Variants in ARFGEF1 observed in about 807,000 individuals in gnomAD.
ARFGEF1 encodes the protein brefeldin A-inhibited guanine nucleotide-exchange protein 1.
Under a neutral mutation model 231.0 loss-of-function variants are expected in ARFGEF1, and 42 were observed. That is an observed-to-expected ratio of 0.18 (90% CI 0.14 to 0.24). ARFGEF1 has a LOEUF of 0.24. ARFGEF1 is among the 10% of genes least tolerant of loss of function. ARFGEF1 has a pLI of 1.00. For synonymous variants in ARFGEF1, 710 were observed against 732.3 expected, an observed-to-expected ratio of 0.97 and a Z score of 0.49; for missense variants, 1,345 against 2,192.0, an observed-to-expected ratio of 0.61 and a Z score of 7.72.
At chr8:67,180,369 A>G (rs1250385343) in intron 5 of ARFGEF1, among the ~76,000 whole-genome samples, 2 of 152,238 alleles carry the variant, frequency 1.3e-5, no homozygotes, top group South Asian at 2.1e-4. Context: ...TTCAATTTAC[A>G]TAACATTTTT....
chr8:67,197,145 A>AAAT (rs1013042365), downstream of ARFGEF1, among the ~76,000 whole-genome samples: 20 of 152,176 alleles, frequency 1.3e-4, no homozygotes, highest in African/African-American at 4.8e-4. Context: ...AATATGCAAA[A>AAAT]AATATTAAAA....
chr8:67,273,069 T>C (rs1273445700), intron 9 of ARFGEF1, among the ~76,000 whole-genome samples: 2 of 151,920 alleles, frequency 1.3e-5, no homozygotes, highest in African/African-American at 4.8e-5. Flanking sequence ...ATTGCACCAC[T>C]GCACTCCAGC....
At chr8:67,195,545 A>G (rs781562670), downstream of ARFGEF1, 1 of 1,614,206 alleles carries the variant, frequency 6.2e-7, no homozygotes, top group Non-Finnish European at 8.5e-7. Context: ...AGATTCCTGG[A>G]AAACCAGGCA....
At chr8:67,300,557 G>A (rs555993269) in intron 3 of ARFGEF1, among the ~76,000 whole-genome samples, 3 of 149,588 alleles carry the variant, frequency 2.0e-5, no homozygotes, top group Admixed American at 6.8e-5. Flanking sequence ...AGTGGCTCAC[G>A]CCTGTAATCC....
intron 23 of ARFGEF1, among the ~76,000 whole-genome samples, chr8:67,228,729 C>A (rs1188671971): frequency 2.0e-5 from 3 of 151,978 alleles, no homozygotes; most frequent in Admixed American, 1.3e-4. Context: ...CTTAATATAA[C>A]CTTGCAAATA....
intron 5 of ARFGEF1, among the ~76,000 whole-genome samples, chr8:67,191,539 ATTAT>A (rs998266348): frequency 3.3e-5 from 5 of 152,284 alleles, no homozygotes; most frequent in African/African-American, 9.6e-5. Context: ...ACACTGTATG[ATTAT>A]TTGTGACTGG....
chr8:67,208,629 C>CAAAAAAAAAA (rs1226322166), intron 34 of ARFGEF1, among the ~76,000 whole-genome samples: 1 of 50,538 alleles, frequency 2.0e-5, no homozygotes, highest in African/African-American at 6.0e-5. Context: ...GACTCCATCT[C>CAAAAAAAAAA]AAAAAAAAAA....
intron 1 of ARFGEF1, among the ~76,000 whole-genome samples, chr8:67,309,345 A>G: frequency 6.6e-6 from 1 of 152,250 alleles, no homozygotes; most frequent in Non-Finnish European, 1.5e-5. Flanking sequence ...GTGATCTGTT[A>G]CATAGAACAG....
Position 67,279,645 on chromosome 8 carries a change from T to C in ARFGEF1, c.1028-2188A>G, listed in dbSNP as rs543883177. Among the ~76,000 whole-genome samples, 5 of 152,340 alleles carry C rather than the reference T, an allele frequency of 3.3e-5. No homozygotes were observed. In the South Asian group the frequency reaches 1.0e-3, roughly 32 times the overall value. ...TCTCAAAGAAACTGAAAACATTTCC[T>C]GATTTTCTTTTTAGACTTTGAAGCC... On this transcript the variant is annotated intron_variant, in intron 7 of 38. Coordinates refer to ENST00000262215, the MANE Select transcript of ARFGEF1 (RefSeq NM_006421.5).
At chr8:67,211,409 A>G in intron 34 of ARFGEF1, 74 bp downstream of exon 34, 1 of 1,208,486 alleles carries the variant, frequency 8.3e-7, no homozygotes, top group South Asian at 1.9e-5. Context: ...TGTTAATAAT[A>G]AAAGTAAAAC....
chr8:67,246,628 T>C (rs963615493), intron 19 of ARFGEF1, among the ~76,000 whole-genome samples: 8 of 150,246 alleles, frequency 5.3e-5, no homozygotes, highest in Middle Eastern at 6.8e-3. Flanking sequence ...GCAAATTTTA[T>C]AGCTGTTAGT....
chr8:67,311,854 G>A (rs1807084515), intron 1 of ARFGEF1, among the ~76,000 whole-genome samples: 1 of 152,248 alleles, frequency 6.6e-6, no homozygotes, highest in Admixed American at 6.5e-5. Context: ...TGTGTAGAAA[G>A]TAGTAGACAT....
intron 35 of ARFGEF1, among the ~76,000 whole-genome samples, 172 bp from the exon 36 acceptor site, chr8:67,203,423 C>T (rs1287808840): frequency 3.3e-5 from 5 of 152,220 alleles, no homozygotes; most frequent in African/African-American, 1.2e-4. Flanking sequence ...TCCTCGTCCC[C>T]AAGCACCACC....
At chr8:67,194,951 A>AAGAGT (rs1586984453), downstream of ARFGEF1, among the ~76,000 whole-genome samples, 1 of 152,162 alleles carries the variant, frequency 6.6e-6, no homozygotes, top group Non-Finnish European at 1.5e-5. Flanking sequence ...TTGTAGGTTG[A>AAGAGT]AGAGTATTCC....
chr8:67,178,613 G>T (rs542956787), intron 5 of ARFGEF1, among the ~76,000 whole-genome samples: 177 of 152,278 alleles, frequency 1.2e-3, no homozygotes, highest in Middle Eastern at 3.4e-3. Flanking sequence ...AAATACAGTG[G>T]GCATGGGGGC....
chr8:67,255,951 TA>T (rs1385002273), intron 17 of ARFGEF1, among the ~76,000 whole-genome samples: 2 of 152,254 alleles, frequency 1.3e-5, no homozygotes, highest in Non-Finnish European at 2.9e-5. Flanking sequence ...TTCTTCAAAA[TA>T]ACATGAGTAT....
At chr8:67,184,740 A>G (rs1055960872) in intron 5 of ARFGEF1, among the ~76,000 whole-genome samples, 5 of 129,082 alleles carry the variant, frequency 3.9e-5, no homozygotes, top group African/African-American at 1.8e-4. Flanking sequence ...TAATAATAAA[A>G]AAATATAATA....
At chr8:67,298,750 G>C (rs76012516) in intron 4 of ARFGEF1, among the ~76,000 whole-genome samples, 1 of 152,058 alleles carries the variant, frequency 6.6e-6, no homozygotes, top group South Asian at 2.1e-4. Flanking sequence ...ATGGAGTCTA[G>C]AAAGCATCCA....
chr8:67,197,664 T>A lies in ARFGEF1; in HGVS notation c.*1270A>T, dbSNP rs1403367758. 32 of 985,740 alleles carry A rather than the reference T, an allele frequency of 3.2e-5. No individual in the cohort carries two copies. Among genetic ancestry groups the A allele is most frequent in the Non-Finnish European group, 3.9e-5 (32 of 829,936 alleles). 61.1% of individuals were successfully genotyped at this position (985,740 alleles called of 1,614,324 possible). A position where few individuals can be genotyped will look rare whatever the true frequency, so the allele number is the denominator to read the frequency against. On this transcript the variant is annotated 3_prime_UTR_variant, in exon 39 of 39. Transcript: ENST00000262215. Reference sequence around the variant, plus strand: ...TGGGGGTGGGTTATACAGGTTTTGATTGCACTGATGAAATAATTCAAAAAC... The same window carrying A: ...TGGGGGTGGGTTATACAGGTTTTGAATGCACTGATGAAATAATTCAAAAAC...
Sources: allele counts gnomAD v4.1 joint callset (sites outside exome capture counted in the v4.1 genomes callset), GRCh38; gene constraint gnomAD v4.1.1; transcripts MANE v1.5; gene names NCBI Gene and HGNC (gene_info 2026-07-23, HGNC 2026-07-21).